The following DNAH12 variants were observed in gnomAD, a reference collection of about 807,000 sequenced individuals.
The protein encoded by DNAH12 is axonemal beta dynein heavy chain 12.
DNAH12 carries 285 observed loss-of-function variants against 371.5 expected under a neutral mutation model. That is an observed-to-expected ratio of 0.77 (90% CI 0.70 to 0.85). The LOEUF (loss-of-function observed/expected upper bound fraction) is 0.85, where lower values mean the gene tolerates loss of function less well. DNAH12 is among the 40% of genes least tolerant of loss of function. The probability of loss-of-function intolerance (pLI) is 0.00; values close to 1 mark genes in which losing one functional copy is unlikely to be tolerated. For missense variants in DNAH12, 3,611 were observed against 3,689.4 expected (o/e 0.98, Z 0.55); for synonymous variants, 1,200 against 1,213.0 (o/e 0.99, Z 0.22).
intron 35 of DNAH12, among the ~76,000 whole-genome samples, chr3:57,424,538 G>C (rs1015195472): frequency 6.6e-6 from 1 of 151,562 alleles, no homozygotes; most frequent in African/African-American, 2.4e-5. Flanking sequence ...AGCACTTTGG[G>C]AGGCCGATGC....
In DNAH12 at chr3:57,413,932, T is replaced by C; in HGVS notation, c.5854-20A>G. 2.6e-6 allele frequency: 4 copies of C among 1,545,464 alleles called. No homozygotes were observed. Among genetic ancestry groups the C allele is most frequent in the Non-Finnish European group, 1.7e-6 (2 of 1,144,012 alleles). On this transcript the variant is annotated intron_variant, in intron 38 of 73. Transcript: ENST00000495027. ...AATGTTCTAAAATATGAAGGAAGAA[T>C]GGTATATTTACCTATAATTGAATTA... is the stretch of plus-strand genomic sequence containing the variant.
intron 11 of DNAH12, among the ~76,000 whole-genome samples, chr3:57,497,574 A>T (rs548848538): frequency 3.7e-4 from 56 of 152,332 alleles, no homozygotes; most frequent in Non-Finnish European, 5.4e-4. Context: ...CCCACACCAC[A>T]TACAAAAGTT....
chr3:57,506,232 G>A (rs2067754143), intron 8 of DNAH12, among the ~76,000 whole-genome samples: 1 of 152,120 alleles, frequency 6.6e-6, no homozygotes, highest in East Asian at 1.9e-4. Flanking sequence ...TGCACATGGA[G>A]TGAGGTACAG....
chr3:57,531,115 G>C (rs2068829712), intron 2 of DNAH12: 1 of 152,200 alleles, frequency 6.6e-6, no homozygotes, highest in South Asian at 2.1e-4. Context: ...TTACCACTGA[G>C]TTTTGTACTT....
intron 49 of DNAH12, among the ~76,000 whole-genome samples, chr3:57,382,947 T>C (rs1575526854): frequency 6.6e-6 from 1 of 152,226 alleles, no homozygotes; most frequent in South Asian, 2.1e-4. Context: ...TAGTTTTTCA[T>C]GCAATTAAAG....
intron 34 of DNAH12, 70 bp downstream of exon 34, chr3:57,428,563 G>C: frequency 2.0e-6 from 3 of 1,512,370 alleles, no homozygotes; most frequent in Non-Finnish European, 2.7e-6. Flanking sequence ...ACCAACCACT[G>C]TGACTTTAGA....
At chr3:57,418,321 C>T (rs1273535768) in intron 37 of DNAH12, among the ~76,000 whole-genome samples, 1 of 120,432 alleles carries the variant, frequency 8.3e-6, no homozygotes, top group Non-Finnish European at 1.6e-5. Context: ...GGGTGGATTG[C>T]TTGAGCTCAG....
intron 49 of DNAH12, among the ~76,000 whole-genome samples, chr3:57,382,611 G>T (rs985805878): frequency 6.6e-6 from 1 of 151,774 alleles, no homozygotes; most frequent in Admixed American, 6.6e-5. Context: ...GTTGGGAGGG[G>T]TCAGTCATAG....
At chr3:57,500,388 C>T (rs946326502) in intron 11 of DNAH12, among the ~76,000 whole-genome samples, 2 of 152,238 alleles carry the variant, frequency 1.3e-5, no homozygotes, top group Admixed American at 6.5e-5. Flanking sequence ...ACTTCCACAG[C>T]GAAAAACCTT....
intron 57 of DNAH12, among the ~76,000 whole-genome samples, chr3:57,364,157 T>C (rs1251466982): frequency 3.9e-5 from 6 of 152,086 alleles, no homozygotes; most frequent in Non-Finnish European, 7.4e-5. Flanking sequence ...GTAGCACACA[T>C]TGAAAGGATG....
intron 29 of DNAH12, among the ~76,000 whole-genome samples, chr3:57,442,044 G>A (rs1206941862): frequency 6.6e-6 from 1 of 152,142 alleles, no homozygotes; most frequent in African/African-American, 2.4e-5. Context: ...GGCGCAGGGT[G>A]GGGTGGGGAG....
intron 2 of DNAH12, 77 bp from the exon 3 acceptor site, chr3:57,523,961 T>C (rs2068543708): frequency 9.6e-7 from 1 of 1,045,386 alleles, no homozygotes; most frequent in African/African-American, 1.6e-5. Flanking sequence ...TTTAAGCATT[T>C]TTCCAACTAT....
intron 13 of DNAH12, among the ~76,000 whole-genome samples, chr3:57,481,341 C>T (rs1250207706): frequency 6.6e-6 from 1 of 152,070 alleles, no homozygotes; most frequent in African/African-American, 2.4e-5. Flanking sequence ...GAGAATAAAA[C>T]ACCTAGGAAT....
intron 11 of DNAH12, chr3:57,493,737 T>C (rs997822993): frequency 1.3e-5 from 2 of 150,806 alleles, no homozygotes; most frequent in Non-Finnish European, 2.9e-5. Context: ...CTGCTTGTTC[T>C]ACTCTTTCCC....
chr3:57,475,338 GAGAA>G (rs1386044801), intron 13 of DNAH12, among the ~76,000 whole-genome samples: 3 of 151,984 alleles, frequency 2.0e-5, no homozygotes, highest in Non-Finnish European at 4.4e-5. Context: ...GAAAGAAAGA[GAGAA>G]AGAGAGAGAC....
chr3:57,443,723 T>G (rs2153369689), intron 29 of DNAH12, among the ~76,000 whole-genome samples: 1 of 152,100 alleles, frequency 6.6e-6, no homozygotes, highest in South Asian at 2.1e-4. Context: ...AAAATAAAAA[T>G]GAGTCTATTA....
At position 57,405,847 on chromosome 3, in the gene DNAH12, C is replaced by G. The variant is rs946563695; in HGVS notation, c.6382G>C (p.Glu2128Gln). The G allele has an allele frequency of 1.3e-6, 2 of 1,551,638 alleles. No homozygotes were observed. Residue 2128 changes from glutamate to glutamine, a missense_variant, in exon 41 of 74, where the codon GAA becomes CAA. This residue lies in a region of DNAH12 where 2,266 missense variants were observed against 2,236.9 expected (regional missense o/e 1.01). Coordinates refer to ENST00000495027, the MANE Select transcript of DNAH12 (RefSeq NM_001366028.2). The part of the protein sequence containing the change: ...SRVIRGCLLI[E>Q]RDAVANKHTM... The stretch of plus-strand genomic sequence containing the variant: ...TGTTTGTTCGCCACGGCGTCTCTTT[C>G]AATGAGTAAACAGCCCCGGATGACG...
At chr3:57,341,080 A>G (rs1223011453) in intron 60 of DNAH12, among the ~76,000 whole-genome samples, 1 of 152,038 alleles carries the variant, frequency 6.6e-6, no homozygotes, top group African/African-American at 2.4e-5. Context: ...ATAAAATTCA[A>G]TATCCCTCAT....
intron 34 of DNAH12, 164 bp downstream of exon 34, chr3:57,428,469 G>A (rs2064851987): frequency 1.3e-6 from 2 of 1,535,840 alleles, no homozygotes; most frequent in Non-Finnish European, 1.8e-6. Context: ...CAACCCCTGA[G>A]TTATGCAGCT....
Sources: allele counts gnomAD v4.1 joint callset (sites outside exome capture counted in the v4.1 genomes callset), GRCh38; gene constraint gnomAD v4.1.1; regional missense constraint gnomAD v4.1.1; transcripts MANE v1.5; gene names NCBI Gene and HGNC (gene_info 2026-07-23, HGNC 2026-07-21).